The following PCDH15 variants were observed in gnomAD, a reference collection of about 807,000 sequenced individuals.
PCDH15 encodes the protein protocadherin-15.
Under a neutral mutation model 178.5 loss-of-function variants are expected in PCDH15, and 129 were observed. The ratio of observed to expected loss-of-function variants is 0.72; its 90% CI spans 0.63 to 0.84. PCDH15 has a LOEUF of 0.84. Ranked by LOEUF, PCDH15 falls within the 40% of genes least tolerant of loss-of-function variation. PCDH15 has a pLI of 0.00. For missense variants in PCDH15, 2,230 were observed against 2,099.9 expected (o/e 1.06, Z -1.21); for synonymous variants, 800 against 732.0 (o/e 1.09, Z -1.50).
At chr10:53,839,473 A>T (rs1303458809) in intron 29 of PCDH15, among the ~76,000 whole-genome samples, 1 of 152,074 alleles carries the variant, frequency 6.6e-6, no homozygotes, top group African/African-American at 2.4e-5. Flanking sequence ...TATGCTGTTT[A>T]AAAAGTATAG....
chr10:54,895,869 A>C (rs1954535820), intron 3 of PCDH15, among the ~76,000 whole-genome samples: 1 of 152,124 alleles, frequency 6.6e-6, no homozygotes, highest in Non-Finnish European at 1.5e-5. Context: ...CTATAACTGA[A>C]AAATAGCTAA....
intron 2 of PCDH15, among the ~76,000 whole-genome samples, chr10:54,558,082 T>C (rs1164658230): frequency 2.6e-5 from 4 of 152,056 alleles, no homozygotes; most frequent in Admixed American, 1.3e-4. Context: ...GTTGAAATGA[T>C]CCCACCAGAA....
intron 2 of PCDH15, among the ~76,000 whole-genome samples, chr10:55,616,325 A>G (rs1285930442): frequency 6.6e-6 from 1 of 152,180 alleles, no homozygotes; most frequent in Non-Finnish European, 1.5e-5. Flanking sequence ...AAACAATTGT[A>G]TGGTAGAAAA....
chr10:55,473,207 T>C (rs962236075), intron 2 of PCDH15, among the ~76,000 whole-genome samples: 2 of 152,164 alleles, frequency 1.3e-5, no homozygotes, highest in Non-Finnish European at 2.9e-5. Flanking sequence ...ATTGTTGCAA[T>C]GCATTGTTTT....
chr10:54,272,460 T>G (rs781371595), intron 8 of PCDH15, among the ~76,000 whole-genome samples: 1 of 152,078 alleles, frequency 6.6e-6, no homozygotes, highest in Non-Finnish European at 1.5e-5. Context: ...CTGTCAGATA[T>G]GGTAATTTGA....
intron 2 of PCDH15, among the ~76,000 whole-genome samples, chr10:54,622,754 T>TA (rs1221795645): frequency 1.5e-4 from 17 of 113,480 alleles, no homozygotes; most frequent in African/African-American, 5.4e-4. Flanking sequence ...TTATATATAA[T>TA]TATATTATAT....
chr10:54,135,888 A>G (rs1418541365), intron 14 of PCDH15, among the ~76,000 whole-genome samples: 5 of 152,198 alleles, frequency 3.3e-5, no homozygotes, highest in African/African-American at 9.7e-5. Context: ...AGGTCAGCAT[A>G]AAGATGAAAT....
chr10:54,091,880 G>A (rs1389010692), intron 15 of PCDH15, among the ~76,000 whole-genome samples: 2 of 152,022 alleles, frequency 1.3e-5, no homozygotes, highest in Non-Finnish European at 2.9e-5. Flanking sequence ...TCATTCAACA[G>A]TGTAGCTATA....
chr10:54,527,084 GT>G (rs2083432957), intron 3 of PCDH15, among the ~76,000 whole-genome samples: 1 of 152,090 alleles, frequency 6.6e-6, no homozygotes, highest in Non-Finnish European at 1.5e-5. Context: ...TACATACTTA[GT>G]TTAAAATAGA....
At chr10:54,333,123 CT>C (rs911227931) in intron 6 of PCDH15, among the ~76,000 whole-genome samples, 9 of 151,728 alleles carry the variant, frequency 5.9e-5, no homozygotes, top group Non-Finnish European at 1.3e-4. Flanking sequence ...TTATTTTTTA[CT>C]TTTAGTAGAG....
At chr10:54,838,717 A>G (rs1163039322) in intron 3 of PCDH15, among the ~76,000 whole-genome samples, 2 of 152,030 alleles carry the variant, frequency 1.3e-5, no homozygotes, top group East Asian at 3.9e-4. Flanking sequence ...CCCACCCTCT[A>G]GGAGGTATGT....
At chr10:55,448,127 T>C (rs1589036800) in intron 2 of PCDH15, among the ~76,000 whole-genome samples, 1 of 151,956 alleles carries the variant, frequency 6.6e-6, no homozygotes, top group South Asian at 2.1e-4. Flanking sequence ...AAAACAACAG[T>C]TTAAAATAAT....
chr10:55,376,632 T>C (rs1328743399), intron 2 of PCDH15, among the ~76,000 whole-genome samples: 1 of 152,102 alleles, frequency 6.6e-6, no homozygotes, highest in African/African-American at 2.4e-5. Flanking sequence ...ATAATTAACA[T>C]TTTGATCTTA....
intron 1 of PCDH15, among the ~76,000 whole-genome samples, chr10:55,303,529 T>C (rs1462055778): frequency 6.6e-6 from 1 of 152,156 alleles, no homozygotes; most frequent in Non-Finnish European, 1.5e-5. Flanking sequence ...CTCAGAGGAA[T>C]GAGGGTTTTG....
intron 2 of PCDH15, among the ~76,000 whole-genome samples, chr10:55,503,193 T>C (rs1840692069): frequency 6.6e-6 from 1 of 151,226 alleles, no homozygotes; most frequent in Non-Finnish European, 1.5e-5. Flanking sequence ...CTATCTGAAT[T>C]CTACACTGTT....
chr10:55,536,226 C>T (rs1841575599), intron 2 of PCDH15, among the ~76,000 whole-genome samples: 2 of 152,052 alleles, frequency 1.3e-5, no homozygotes, highest in African/African-American at 4.8e-5. Context: ...CACTAATCCT[C>T]TAATTTTCTA....
chr10:54,970,016 C>T (rs1226438618), intron 2 of PCDH15, among the ~76,000 whole-genome samples: 1 of 152,150 alleles, frequency 6.6e-6, no homozygotes, highest in Non-Finnish European at 1.5e-5. Context: ...AATGTAATCT[C>T]CAATGCAACA....
intron 1 of PCDH15, among the ~76,000 whole-genome samples, chr10:55,264,324 C>G (rs1339896261): frequency 6.6e-6 from 1 of 152,114 alleles, no homozygotes; most frequent in Admixed American, 6.5e-5. Context: ...GATTAAACCC[C>G]ACCCCCAACC....
At chr10:54,317,956 A>G (rs1389674854) in intron 7 of PCDH15, among the ~76,000 whole-genome samples, 1 of 152,192 alleles carries the variant, frequency 6.6e-6, no homozygotes, top group African/African-American at 2.4e-5. Flanking sequence ...AAGCTTTTGT[A>G]TGTTAGGCCT....
Sources: gnomAD v4.1 joint callset for allele counts (sites outside exome capture counted in the v4.1 genomes callset) on GRCh38, gnomAD v4.1.1 for gene constraint, MANE v1.5 for transcripts, NCBI Gene and HGNC (gene_info 2026-07-23, HGNC 2026-07-21) for gene names.